DMD: variants seen among roughly 807,000 people sequenced by gnomAD.
DMD encodes the protein dystrophin.
DMD carries 63 observed loss-of-function variants against 330.1 expected under a neutral mutation model. The observed-to-expected ratio is 0.19, with a 90% CI of 0.16 to 0.24. The LOEUF is 0.24. DMD is among the 10% of genes least tolerant of loss of function. DMD has a pLI of 1.00. For synonymous variants in DMD, 1,223 were observed against 959.8 expected, an observed-to-expected ratio of 1.27 and a Z score of -5.07; for missense variants, 3,344 against 2,684.1, an observed-to-expected ratio of 1.25 and a Z score of -5.43.
At chrX:31,775,070 G>T (rs752263455) in intron 50 of DMD, among the ~76,000 whole-genome samples, 17 of 111,260 alleles carry the variant, frequency 1.5e-4, no homozygotes, top group Non-Finnish European at 2.8e-4. Context: ...TTCAGTACTA[G>T]CAATAAGCAG....
intron 2 of DMD, among the ~76,000 whole-genome samples, chrX:33,010,240 A>T (rs1441957524): frequency 9.5e-6 from 1 of 105,047 alleles, no homozygotes; most frequent in Non-Finnish European, 1.9e-5. Flanking sequence ...ATATATGTAC[A>T]TATGTGTGTA....
chrX:32,380,236 C>A (rs2097919355), intron 34 of DMD, among the ~76,000 whole-genome samples: 1 of 111,089 alleles, frequency 9.0e-6, no homozygotes, highest in South Asian at 3.8e-4. Flanking sequence ...GATCTCATCT[C>A]TGGACCAATT....
At chrX:32,597,025 A>C (rs1208908263) in intron 12 of DMD, among the ~76,000 whole-genome samples, 2 of 111,855 alleles carry the variant, frequency 1.8e-5, no homozygotes, top group Non-Finnish European at 3.8e-5. Context: ...GTCTAATTGT[A>C]TACCATTCTC....
intron 1 of DMD, among the ~76,000 whole-genome samples, chrX:33,118,934 T>C (rs2095406986): frequency 8.9e-6 from 1 of 111,859 alleles, no homozygotes; most frequent in Non-Finnish European, 1.9e-5. Context: ...AGCTTCCCAG[T>C]ACAACTACTA....
At chrX:32,473,189 A>G (rs939809443) in intron 21 of DMD, among the ~76,000 whole-genome samples, 2 of 111,478 alleles carry the variant, frequency 1.8e-5, no homozygotes, top group African/African-American at 6.5e-5. Flanking sequence ...GGGATAATCC[A>G]AAAGAAATTC....
rs767832561 is a variant in DMD, at chrX:32,037,132, G to A, written c.6439-68618C>T. On this transcript the variant is annotated intron_variant, in intron 44 of 78. Coordinates refer to ENST00000357033, the MANE Select transcript of DMD (RefSeq NM_004006.3). Reference sequence around the variant, plus strand: ...AGTCAAGAGGGAAATAACCAGTGTAGCACATAGACTTCAAGGGTTGTTTTA... The same window carrying A: ...AGTCAAGAGGGAAATAACCAGTGTAACACATAGACTTCAAGGGTTGTTTTA... 8.0e-5 allele frequency among the ~76,000 whole-genome samples: 9 copies of A among 111,973 alleles called. No homozygotes were observed. The East Asian group carries it at 2.5e-3, about 32-fold the overall frequency.
At chrX:32,010,076 A>T (rs898526043) in intron 44 of DMD, among the ~76,000 whole-genome samples, 1 of 109,308 alleles carries the variant, frequency 9.1e-6, no homozygotes, top group African/African-American at 3.3e-5. Context: ...GTGAGGACAA[A>T]TTTTTTTTTT....
intron 22 of DMD, among the ~76,000 whole-genome samples, chrX:32,470,389 C>A (rs2040500754): frequency 8.9e-6 from 1 of 111,749 alleles, no homozygotes; most frequent in Admixed American, 9.5e-5. Flanking sequence ...GGCTTCCCCA[C>A]ATTTTTTGAA....
intron 13 of DMD, among the ~76,000 whole-genome samples, chrX:32,590,351 A>T (rs1383160061): frequency 8.9e-6 from 1 of 111,832 alleles, no homozygotes; most frequent in Non-Finnish European, 1.9e-5. Flanking sequence ...AAAATAGAAT[A>T]CTTGTTGTGA....
intron 44 of DMD, among the ~76,000 whole-genome samples, chrX:32,169,282 C>G (rs1306957039): frequency 9.0e-6 from 1 of 111,572 alleles, no homozygotes; most frequent in Non-Finnish European, 1.9e-5. Context: ...GATTTGAAAT[C>G]ATTGTTTAGA....
intron 45 of DMD, among the ~76,000 whole-genome samples, chrX:31,944,518 G>A (rs1232726359): frequency 1.8e-4 from 18 of 100,662 alleles, no homozygotes; most frequent in Non-Finnish European, 2.6e-4. Context: ...TCACTCTGTC[G>A]CCCGGCTGGA....
intron 44 of DMD, among the ~76,000 whole-genome samples, chrX:32,133,934 G>C (rs984977589): frequency 1.8e-5 from 2 of 111,256 alleles, no homozygotes; most frequent in African/African-American, 6.5e-5. Flanking sequence ...CAGATAAACC[G>C]ATGGCTTAGG....
intron 2 of DMD, among the ~76,000 whole-genome samples, chrX:32,924,448 C>T (rs773557076): frequency 1.8e-5 from 2 of 111,030 alleles, no homozygotes; most frequent in Non-Finnish European, 3.8e-5. Flanking sequence ...TCATCTGAGC[C>T]CAGGAATTCA....
chrX:33,266,856 A>G (rs1386550133), intron 1 of DMD, among the ~76,000 whole-genome samples: 3 of 111,160 alleles, frequency 2.7e-5, no homozygotes. Flanking sequence ...CAAAATAATA[A>G]GAACCATCTA....
At chrX:32,733,140 CCAA>C (rs2067949381) in intron 7 of DMD, among the ~76,000 whole-genome samples, 1 of 108,714 alleles carries the variant, frequency 9.2e-6, no homozygotes, top group South Asian at 3.9e-4. Flanking sequence ...AGACTTTAAA[CCAA>C]CAAAGATCAA....
At chrX:32,299,893 A>G (rs1435669516) in intron 42 of DMD, among the ~76,000 whole-genome samples, 1 of 111,159 alleles carries the variant, frequency 9.0e-6, no homozygotes, top group Non-Finnish European at 1.9e-5. Context: ...CCTCTATAAA[A>G]TTCCTCCTAG....
intron 1 of DMD, among the ~76,000 whole-genome samples, chrX:33,302,757 A>G (rs1434329538): frequency 9.0e-6 from 1 of 111,636 alleles, no homozygotes; most frequent in Non-Finnish European, 1.9e-5. Flanking sequence ...ACAATTGATG[A>G]ACCTATATTG....
At chrX:31,264,514 T>C (rs753496504) in intron 62 of DMD, among the ~76,000 whole-genome samples, 1 of 112,333 alleles carries the variant, frequency 8.9e-6, no homozygotes, top group East Asian at 2.8e-4. Context: ...AAACGCTCTT[T>C]ACATCTTTAA....
At position 32,759,021 on chromosome X, in the gene DMD, A is replaced by C. The variant is rs776548551; in HGVS notation, c.649+50472T>G. On this transcript the variant is annotated intron_variant, in intron 7 of 78. Coordinates refer to ENST00000357033, the MANE Select transcript of DMD (RefSeq NM_004006.3). Reference sequence around the variant, plus strand: ...CATTGTTTTGCAACTGGGAATACTCATTTTATCTTATCCAATTCTAACTAT... The same window carrying C: ...CATTGTTTTGCAACTGGGAATACTCCTTTTATCTTATCCAATTCTAACTAT... Among the ~76,000 whole-genome samples the C allele has an allele frequency of 4.0e-4, 44 of 110,440 alleles. No homozygotes were observed. In the East Asian group the frequency reaches 0.012, roughly 29 times the overall value.
Sources: allele counts gnomAD v4.1 joint callset (sites outside exome capture counted in the v4.1 genomes callset), GRCh38; gene constraint gnomAD v4.1.1; transcripts MANE v1.5; gene names NCBI Gene and HGNC (gene_info 2026-07-23, HGNC 2026-07-21).